The following GALNT7 variants were observed in gnomAD, a reference collection of about 807,000 sequenced individuals.
GALNT7 encodes the protein N-acetylgalactosaminyltransferase 7.
GALNT7 carries 60 observed loss-of-function variants against 82.1 expected under a neutral mutation model. That is an observed-to-expected ratio of 0.73 (90% CI 0.59 to 0.91). GALNT7 has a LOEUF of 0.91. Ranked by LOEUF, GALNT7 falls within the 40% of genes least tolerant of loss-of-function variation. GALNT7 has a pLI of 0.00. For synonymous variants in GALNT7, 243 were observed against 275.1 expected (o/e 0.88, Z 1.15); for missense variants, 660 against 804.2 (o/e 0.82, Z 2.17).
intron 1 of GALNT7, among the ~76,000 whole-genome samples, chr4:173,212,229 C>G (rs1733303302): frequency 6.6e-6 from 1 of 152,070 alleles, no homozygotes; most frequent in Non-Finnish European, 1.5e-5. Flanking sequence ...CTTAGATTAT[C>G]TAGTTTTATT....
chr4:173,199,972 A>G (rs1193235632), intron 1 of GALNT7, among the ~76,000 whole-genome samples: 1 of 152,226 alleles, frequency 6.6e-6, no homozygotes, highest in Non-Finnish European at 1.5e-5. Context: ...TAGTTTTAGT[A>G]CATTATTGAT....
At position 173,182,567 on chromosome 4, in the gene GALNT7, T is replaced by G. The variant is rs570565958; in HGVS notation, c.126+13606T>G. Among the ~76,000 whole-genome samples the G allele has an allele frequency of 1.1e-4, 16 of 152,314 alleles. No individual in the cohort carries two copies. In the South Asian group the frequency reaches 3.3e-3, roughly 32 times the overall value. ...AAGGATAAAAAATGTCAGTTGTATA[T>G]TTTATTGACTGCAGGTAGCTAGAAA... On this transcript the variant is annotated intron_variant, in intron 1 of 11. Coordinates refer to ENST00000265000, the MANE Select transcript of GALNT7 (RefSeq NM_017423.3).
chr4:173,171,704 C>A (rs1731880135), intron 1 of GALNT7, among the ~76,000 whole-genome samples: 1 of 152,208 alleles, frequency 6.6e-6, no homozygotes, highest in African/African-American at 2.4e-5. Flanking sequence ...CATTTCCGAT[C>A]ATATTCTGTT....
At chr4:173,282,613 G>A (rs1285277953) in intron 2 of GALNT7, 1 of 152,194 alleles carries the variant, frequency 6.6e-6, no homozygotes, top group Non-Finnish European at 1.5e-5. Flanking sequence ...GTGAGGAACA[G>A]CAGCTAGGAT....
At chr4:173,169,525 G>T (rs976003102) in intron 1 of GALNT7, 2 of 151,570 alleles carry the variant, frequency 1.3e-5, no homozygotes, top group African/African-American at 4.8e-5. Flanking sequence ...CCCGCCCGCC[G>T]GGGAGTGGGA....
intron 1 of GALNT7, among the ~76,000 whole-genome samples, chr4:173,192,891 TTC>T (rs1480713232): frequency 1.3e-5 from 2 of 152,208 alleles, no homozygotes; most frequent in Non-Finnish European, 2.9e-5. Flanking sequence ...GTCAACTGTA[TTC>T]TCTCTCCTGG....
At chr4:173,311,525 G>C (rs1160443882) in intron 8 of GALNT7, among the ~76,000 whole-genome samples, 1 of 152,200 alleles carries the variant, frequency 6.6e-6, no homozygotes, top group Non-Finnish European at 1.5e-5. Flanking sequence ...TGCAAAGGGG[G>C]AGCAAGGCGT....
intron 1 of GALNT7, among the ~76,000 whole-genome samples, chr4:173,208,539 C>T (rs1030172922): frequency 6.6e-6 from 1 of 152,130 alleles, no homozygotes; most frequent in Non-Finnish European, 1.5e-5. Flanking sequence ...CCCCCTCCTC[C>T]GCACCCGCAG....
intron 1 of GALNT7, among the ~76,000 whole-genome samples, chr4:173,205,770 A>C (rs1173930658): frequency 6.6e-6 from 1 of 152,156 alleles, no homozygotes; most frequent in Admixed American, 6.5e-5. Context: ...ACCTGGGGTC[A>C]TAGAGGCTGG....
chr4:173,244,951 T>G (rs1411228555), intron 1 of GALNT7, among the ~76,000 whole-genome samples: 1 of 152,120 alleles, frequency 6.6e-6, no homozygotes, highest in Non-Finnish European at 1.5e-5. Flanking sequence ...GTGAGGTGAA[T>G]GATAGGTTCA....
intron 1 of GALNT7, among the ~76,000 whole-genome samples, chr4:173,179,386 T>C (rs34627061): frequency 0.014 from 2,117 of 152,344 alleles, 32 homozygotes; most frequent in African/African-American, 0.026. Flanking sequence ...CTCATGCTTA[T>C]AATTCTAGCA....
At chr4:173,212,539 AT>A (rs1733313492) in intron 1 of GALNT7, among the ~76,000 whole-genome samples, 1 of 152,014 alleles carries the variant, frequency 6.6e-6, no homozygotes, top group Non-Finnish European at 1.5e-5. Flanking sequence ...ATTCAGAGAG[AT>A]CCAAAGAGAT....
At chr4:173,288,282 C>CAAAAAAA (rs70944442) in intron 2 of GALNT7, among the ~76,000 whole-genome samples, 42 of 62,938 alleles carry the variant, frequency 6.7e-4, no homozygotes, top group South Asian at 4.3e-3. Flanking sequence ...GACTCCATCT[C>CAAAAAAA]AAAAAAAAAA....
Position 173,168,863 on chromosome 4 carries a change from C to G in GALNT7, c.28C>G (p.Arg10Gly). 1 of 1,602,040 alleles carries G rather than the reference C, an allele frequency of 6.2e-7. No individual in the cohort carries two copies. The highest frequency in any genetic ancestry group is 2.3e-5 in the East Asian group (1 of 44,038). ...GAGGCTGAAGATTGGGTTCATCTTACGCAGTTTGCTGGTGGTGGGAAGCTT... is the reference window on the plus strand; with the variant it reads ...GAGGCTGAAGATTGGGTTCATCTTAGGCAGTTTGCTGGTGGTGGGAAGCTT... MRLKIGFIL[R>G]SLLVVGSFLG... is the part of the protein sequence containing the mutation. The change falls in exon 1 of 12, where the codon CGC becomes GGC. Residue 10 changes from arginine to glycine, a missense_variant. Coordinates refer to ENST00000265000, the MANE Select transcript of GALNT7 (RefSeq NM_017423.3).
At chr4:173,306,195 A>G (rs1737150332) in intron 8 of GALNT7, among the ~76,000 whole-genome samples, 1 of 152,238 alleles carries the variant, frequency 6.6e-6, no homozygotes, top group Non-Finnish European at 1.5e-5. Context: ...CACCGTTAGC[A>G]TATAGAAACA....
At chr4:173,260,184 T>C (rs898455864) in intron 2 of GALNT7, among the ~76,000 whole-genome samples, 1 of 152,186 alleles carries the variant, frequency 6.6e-6, no homozygotes, top group African/African-American at 2.4e-5. Context: ...GTGTCTTCAA[T>C]AGGTTCAGGA....
chr4:173,254,168 A>G (rs531814128), intron 2 of GALNT7, among the ~76,000 whole-genome samples: 25 of 152,368 alleles, frequency 1.6e-4, no homozygotes, highest in Admixed American at 1.4e-3. Flanking sequence ...AGCTATGCAC[A>G]TGTTAGTAAG....
chr4:173,270,294 G>A (rs28605939), intron 2 of GALNT7, among the ~76,000 whole-genome samples: 11,389 of 152,132 alleles, frequency 0.075, 886 homozygotes, highest in African/African-American at 0.2. Flanking sequence ...ATCAGCTTCA[G>A]AAAATGAGAC....
intron 1 of GALNT7, among the ~76,000 whole-genome samples, chr4:173,192,810 C>T (rs534774817): frequency 6.6e-6 from 1 of 152,146 alleles, no homozygotes; most frequent in Non-Finnish European, 1.5e-5. Context: ...GTTCTCTGTC[C>T]CTATCCATGG....
Sources: allele counts gnomAD v4.1 joint callset (sites outside exome capture counted in the v4.1 genomes callset), GRCh38; gene constraint gnomAD v4.1.1; transcripts MANE v1.5; gene names NCBI Gene and HGNC (gene_info 2026-07-23, HGNC 2026-07-21).